The following DPYD variants were observed in gnomAD, a reference collection of about 807,000 sequenced individuals.
DPYD encodes dihydropyrimidine dehydrogenase, also known as dihydropyrimidine dehydrogenase [NADP(+)].
In DPYD, 109 loss-of-function variants were observed where a neutral mutation model predicts 116.2. That is an observed-to-expected ratio of 0.94 (90% CI 0.80 to 1.10). DPYD has a LOEUF of 1.10. DPYD is among the 50% of genes least tolerant of loss of function. The pLI, the probability that DPYD is intolerant of heterozygous loss-of-function variation, is 0.00. For missense variants in DPYD, 1,302 were observed against 1,254.5 expected (o/e 1.04, Z -0.57); for synonymous variants, 440 against 432.0 (o/e 1.02, Z -0.23).
chr1:97,165,570 ATGGG>A (rs1459314330), intron 20 of DPYD, among the ~76,000 whole-genome samples: 1 of 152,170 alleles, frequency 6.6e-6, no homozygotes, highest in Non-Finnish European at 1.5e-5. Flanking sequence ...GAACTGACAA[ATGGG>A]AACTAATTAA....
intron 1 of DPYD, among the ~76,000 whole-genome samples, chr1:97,885,567 G>C (rs1220774727): frequency 6.6e-6 from 1 of 152,030 alleles, no homozygotes; most frequent in Non-Finnish European, 1.5e-5. Context: ...TTGATTTAAA[G>C]TGGTAATAAC....
At chr1:97,870,081 G>A (rs1038105959) in intron 2 of DPYD, among the ~76,000 whole-genome samples, 8 of 151,836 alleles carry the variant, frequency 5.3e-5, no homozygotes, top group African/African-American at 1.9e-4. Context: ...AAATATTGAT[G>A]TTGGAATTTT....
rs774579695 is a variant in DPYD at position 97,193,091 on chromosome 1, C to T, written c.2600G>A (p.Arg867His). Residue 867 changes from arginine (R) to histidine (H), a missense_variant, in exon 20 of 23, where the codon CGT becomes CAT. Arg to His is a conservative substitution (Grantham distance 29, BLOSUM62 0). Transcript: ENST00000370192. ...VSHQKGKPVP[R>H]IAELMDKKLP... ...TACCTTGTCCATGAGTTCAGCTATA[C>T]GTGGAACTGGTTTCCCTTTCTGGTG... 2.5e-5 allele frequency: 40 copies of T among 1,613,904 alleles called. No homozygotes were observed. The highest frequency in any genetic ancestry group is 1.3e-4 in the East Asian group (6 of 44,856).
intron 13 of DPYD, among the ~76,000 whole-genome samples, chr1:97,454,326 T>C (rs1413999641): frequency 2.0e-5 from 3 of 151,932 alleles, no homozygotes; most frequent in Admixed American, 2.0e-4. Flanking sequence ...AATAACTTAC[T>C]AAAGCTTTTG....
chr1:97,808,545 C>T (rs1036403560), intron 3 of DPYD, among the ~76,000 whole-genome samples: 10 of 152,140 alleles, frequency 6.6e-5, no homozygotes, highest in African/African-American at 2.4e-4. Flanking sequence ...GGATTTCCTA[C>T]ATGGACAATC....
chr1:97,209,413 G>A (rs1038272651), intron 19 of DPYD, among the ~76,000 whole-genome samples: 1 of 151,972 alleles, frequency 6.6e-6, no homozygotes, highest in Non-Finnish European at 1.5e-5. Flanking sequence ...ACTCCCTCCA[G>A]ATTACTCACA....
intron 3 of DPYD, chr1:97,796,960 T>G (rs1419771126): frequency 6.6e-6 from 1 of 152,108 alleles, no homozygotes; most frequent in Admixed American, 6.6e-5. Flanking sequence ...AGCTTCTATC[T>G]AAATACACAT....
chr1:97,609,365 G>A (rs1300343466), intron 8 of DPYD, among the ~76,000 whole-genome samples: 1 of 151,814 alleles, frequency 6.6e-6, no homozygotes, highest in East Asian at 1.9e-4. Context: ...GTATTCTACA[G>A]AAGATAAAGA....
intron 13 of DPYD, among the ~76,000 whole-genome samples, chr1:97,501,638 G>C (rs558277314): frequency 2.0e-5 from 3 of 151,638 alleles, no homozygotes; most frequent in Middle Eastern, 3.4e-3. Flanking sequence ...TTGAGCTCAG[G>C]AGTTCAAGGA....
chr1:97,388,627 C>G (rs1198679177), intron 14 of DPYD, among the ~76,000 whole-genome samples: 1 of 151,976 alleles, frequency 6.6e-6, no homozygotes, highest in Non-Finnish European at 1.5e-5. Context: ...ACCTTTAAAA[C>G]AGGGGTTTCA....
intron 1 of DPYD, among the ~76,000 whole-genome samples, chr1:97,911,338 A>C (rs1673923884): frequency 6.6e-6 from 1 of 152,112 alleles, no homozygotes; most frequent in African/African-American, 2.4e-5. Context: ...CATGAGCTAC[A>C]TACAAATTTT....
chr1:97,130,212 G>C (rs537887918), intron 20 of DPYD, among the ~76,000 whole-genome samples: 1 of 152,296 alleles, frequency 6.6e-6, no homozygotes, highest in South Asian at 2.1e-4. Context: ...TAGAGATCTG[G>C]TTAGCTGGAG....
intron 12 of DPYD, among the ~76,000 whole-genome samples, chr1:97,539,594 A>T (rs190170884): frequency 2.0e-5 from 3 of 152,254 alleles, no homozygotes; most frequent in Non-Finnish European, 1.5e-5. Flanking sequence ...TAAACGTTGC[A>T]TCTAAAATAT....
intron 19 of DPYD, among the ~76,000 whole-genome samples, chr1:97,233,556 G>C (rs921884642): frequency 1.3e-5 from 2 of 152,068 alleles, no homozygotes; most frequent in African/African-American, 4.8e-5. Context: ...CCGTGGTGTT[G>C]GGTGGAGCAG....
At chr1:97,245,060 T>C (rs1175219406) in intron 18 of DPYD, among the ~76,000 whole-genome samples, 1 of 152,120 alleles carries the variant, frequency 6.6e-6, no homozygotes, top group Non-Finnish European at 1.5e-5. Flanking sequence ...ATTATTTTTA[T>C]GGTTAGACTG....
intron 1 of DPYD, among the ~76,000 whole-genome samples, chr1:97,914,086 A>T (rs1007644228): frequency 6.6e-6 from 1 of 152,108 alleles, no homozygotes; most frequent in Non-Finnish European, 1.5e-5. Context: ...TTGTCTCTTT[A>T]ATTATTATGA....
chr1:97,344,395 T>C (rs1669732943), intron 16 of DPYD, among the ~76,000 whole-genome samples: 1 of 151,958 alleles, frequency 6.6e-6, no homozygotes. Flanking sequence ...GAATTGTTCA[T>C]ATATAGACAA....
At position 97,305,333 on chromosome 1, in the gene DPYD, A is replaced by G; in HGVS notation, c.2225T>C (p.Met742Thr). Residue 742 changes from methionine to threonine, a missense_variant, in exon 18 of 23, where the codon ATG becomes ACG. By Grantham distance (81) the Met-to-Thr change is moderately conservative (BLOSUM62 -1). Coordinates refer to ENST00000370192, the MANE Select transcript of DPYD (RefSeq NM_000110.4). ...AGGTGTGCCATCAGATTTTAATCCCATCAGACCTGAGACAGTGTTGGTGGC... is the reference window on the plus strand; with the variant it reads ...AGGTGTGCCATCAGATTTTAATCCCGTCAGACCTGAGACAGTGTTGGTGGC... The part of the protein sequence containing the change: ...VTATNTVSGL[M>T]GLKSDGTPWP... 2 of 1,612,508 alleles carry G rather than the reference A, an allele frequency of 1.2e-6. No homozygotes were observed. The highest frequency in any genetic ancestry group is 1.7e-6 in the Non-Finnish European group (2 of 1,178,942).
intron 20 of DPYD, among the ~76,000 whole-genome samples, chr1:97,150,528 T>C (rs1570555938): frequency 6.6e-6 from 1 of 152,218 alleles, no homozygotes; most frequent in Non-Finnish European, 1.5e-5. Context: ...ACCAGAACTA[T>C]AATAAGCTCA....
Sources: allele counts gnomAD v4.1 joint callset (sites outside exome capture counted in the v4.1 genomes callset), GRCh38; gene constraint gnomAD v4.1.1; transcripts MANE v1.5; gene names NCBI Gene and HGNC (gene_info 2026-07-23, HGNC 2026-07-21).